Variants in VDAC1 observed in about 807,000 individuals in gnomAD.
VDAC1 encodes voltage dependent anion channel 1.
A neutral mutation model predicts 34.7 loss-of-function variants in VDAC1; 10 were observed. The observed-to-expected ratio is 0.29, with a 90% CI of 0.18 to 0.49. VDAC1 has a LOEUF of 0.49. Ranked by LOEUF, VDAC1 falls within the 20% of genes least tolerant of loss-of-function variation. The pLI is 0.99. For synonymous variants in VDAC1, 130 were observed against 136.0 expected (o/e 0.96, Z 0.30); for missense variants, 230 against 347.9 (o/e 0.66, Z 2.69).
the VDAC1 span, among the ~76,000 whole-genome samples, chr5:134,036,295 G>A: frequency 6.6e-6 from 1 of 152,104 alleles, no homozygotes; most frequent in African/African-American, 2.4e-5. Flanking sequence ...CGTCCTCTGA[G>A]AATAGCACGT....
At chr5:134,004,740 G>A (rs1193196960) in intron 1 of VDAC1, 155 bp downstream of exon 1, 3 of 150,420 alleles carry the variant, frequency 2.0e-5, no homozygotes, top group South Asian at 2.0e-4. Context: ...CCGAGCGAGC[G>A]GCTGGGCCAA....
At chr5:134,043,465 A>C in the VDAC1 span, among the ~76,000 whole-genome samples, 1 of 152,194 alleles carries the variant, frequency 6.6e-6, no homozygotes, top group Non-Finnish European at 1.5e-5. Flanking sequence ...AGGTGGCTGG[A>C]AAGGACTCTC....
At chr5:134,109,922 G>A in the VDAC1 span, among the ~76,000 whole-genome samples, 3 of 152,214 alleles carry the variant, frequency 2.0e-5, no homozygotes, top group African/African-American at 4.8e-5. Flanking sequence ...CGACCCCTTG[G>A]ACAACTGGTA....
the VDAC1 span, among the ~76,000 whole-genome samples, chr5:134,070,174 C>T: frequency 6.6e-6 from 1 of 152,188 alleles, no homozygotes; most frequent in East Asian, 1.9e-4. Context: ...TGGAGCCTCG[C>T]TCTGTTGCCC....
chr5:134,023,671 C>A, the VDAC1 span, among the ~76,000 whole-genome samples: 1 of 152,066 alleles, frequency 6.6e-6, no homozygotes, highest in African/African-American at 2.4e-5. Context: ...CAGGAATGCA[C>A]AAAATAAATG....
chr5:134,108,170 A>G, the VDAC1 span, among the ~76,000 whole-genome samples: 1 of 152,116 alleles, frequency 6.6e-6, no homozygotes, highest in Non-Finnish European at 1.5e-5. Flanking sequence ...TTAAAAAGAA[A>G]AAGACGCCTC....
intron 1 of VDAC1, among the ~76,000 whole-genome samples, chr5:133,994,425 T>C (rs1270622465): frequency 2.0e-5 from 3 of 152,194 alleles, no homozygotes; most frequent in Non-Finnish European, 4.4e-5. Flanking sequence ...TGCTGTGTTA[T>C]TTCTTGCACA....
chr5:133,996,368 T>C (rs1463186094), intron 1 of VDAC1, among the ~76,000 whole-genome samples: 2 of 152,080 alleles, frequency 1.3e-5, no homozygotes, highest in Non-Finnish European at 2.9e-5. Flanking sequence ...CTTGAACAAA[T>C]TATGCAAGCC....
intron 6 of VDAC1, among the ~76,000 whole-genome samples, chr5:133,979,232 C>A (rs943727250): frequency 6.6e-6 from 1 of 152,010 alleles, no homozygotes; most frequent in African/African-American, 2.4e-5. Context: ...GGCTAACAGC[C>A]ATTGTTCCTC....
At chr5:134,063,966 G>C in the VDAC1 span, among the ~76,000 whole-genome samples, 1 of 149,476 alleles carries the variant, frequency 6.7e-6, no homozygotes, top group Admixed American at 6.7e-5. Flanking sequence ...CCCAGTAGCT[G>C]AGACTACAGG....
the VDAC1 span, among the ~76,000 whole-genome samples, chr5:134,020,652 TTTTGTTTGTTTGTTTGTTTG>T: frequency 2.7e-5 from 4 of 150,098 alleles, no homozygotes; most frequent in Non-Finnish European, 5.9e-5. Flanking sequence ...CAGGCTTCTT[TTTTGTTTGTTTGTTTGTTTG>T]TTTGTTTGTT....
intron 5 of VDAC1, among the ~76,000 whole-genome samples, chr5:133,986,493 T>C (rs1580717626): frequency 6.6e-6 from 1 of 151,462 alleles, no homozygotes; most frequent in African/African-American, 2.4e-5. Flanking sequence ...ACCTCCTGGG[T>C]TCAAGCAATT....
the VDAC1 span, among the ~76,000 whole-genome samples, chr5:134,035,161 T>C: frequency 2.0e-5 from 3 of 152,066 alleles, no homozygotes; most frequent in South Asian, 4.2e-4. Flanking sequence ...GCAGGAGAAG[T>C]ACAAGATGAA....
At position 134,001,590 on chromosome 5, in the gene VDAC1, C is replaced by T. The variant is rs1031105309; in HGVS notation, c.-7+3305G>A. Among the ~76,000 whole-genome samples the T allele has an allele frequency of 2.6e-5, 4 of 151,748 alleles. No individual in the cohort carries two copies. In the South Asian group the frequency reaches 6.2e-4, roughly 24 times the overall value. On this transcript the variant is annotated intron_variant, in intron 1 of 8. Transcript: ENST00000265333. ...AAAATTAGCCAGGCATGGTGGCAGG[C>T]GCCTGTAATCCCGGCTACTCGAGAG... is the stretch of plus-strand genomic sequence containing the variant.
upstream of VDAC1, chr5:134,005,445 C>G (rs933362263): frequency 6.6e-6 from 1 of 152,268 alleles, no homozygotes; most frequent in Non-Finnish European, 1.5e-5. Flanking sequence ...AGAGAAAACC[C>G]CTGTGCGCCG....
chr5:134,052,538 C>A, the VDAC1 span, among the ~76,000 whole-genome samples: 1 of 152,128 alleles, frequency 6.6e-6, no homozygotes, highest in African/African-American at 2.4e-5. Flanking sequence ...TCAAGTGATC[C>A]TCCCAAAGTG....
chr5:134,060,904 G>A, the VDAC1 span, among the ~76,000 whole-genome samples: 13 of 13,702 alleles, frequency 9.5e-4, no homozygotes, highest in African/African-American at 0.012. Context: ...TTGAGACAGG[G>A]TCTCACCCTG....
At chr5:133,978,376 A>T (rs1752561328) in intron 6 of VDAC1, among the ~76,000 whole-genome samples, 1 of 152,036 alleles carries the variant, frequency 6.6e-6, no homozygotes, top group Admixed American at 6.6e-5. Context: ...GCCTCAAGTG[A>T]TCCTCCCGCC....
At chr5:133,975,648 AG>A (rs1441005418) in intron 7 of VDAC1, among the ~76,000 whole-genome samples, 1 of 152,008 alleles carries the variant, frequency 6.6e-6, no homozygotes, top group Non-Finnish European at 1.5e-5. Flanking sequence ...TTTAGTAGAC[AG>A]GGTTTCACCG....
Sources: allele counts gnomAD v4.1 joint callset (sites outside exome capture counted in the v4.1 genomes callset), GRCh38; gene constraint gnomAD v4.1.1; transcripts MANE v1.5; gene names NCBI Gene and HGNC (gene_info 2026-07-23, HGNC 2026-07-21).